ADCYAP1R1: variants seen among roughly 807,000 people sequenced by gnomAD.
The protein encoded by ADCYAP1R1 is ADCYAP receptor type I, also known as pituitary adenylate cyclase-activating polypeptide type I receptor.
In ADCYAP1R1, 44 loss-of-function variants were observed where a neutral mutation model predicts 67.6. The ratio of observed to expected loss-of-function variants is 0.65; its 90% confidence interval spans 0.51 to 0.84. The LOEUF (loss-of-function observed/expected upper bound fraction) is 0.84. Ranked by LOEUF, ADCYAP1R1 falls within the 40% of genes least tolerant of loss-of-function variation. The pLI is 0.00. For synonymous variants in ADCYAP1R1, 222 were observed against 219.6 expected (o/e 1.01, Z -0.10); for missense variants, 477 against 587.9 (o/e 0.81, Z 1.95).
chr7:31,083,539 T>G (rs1795602130), intron 6 of ADCYAP1R1, among the ~76,000 whole-genome samples: 1 of 152,170 alleles, frequency 6.6e-6, no homozygotes, highest in African/African-American at 2.4e-5. Context: ...AATATATATC[T>G]TCGTAAGATC....
At chr7:31,084,656 G>A in intron 7 of ADCYAP1R1, 81 bp from the exon 8 acceptor site, 4 of 1,181,346 alleles carry the variant, frequency 3.4e-6, no homozygotes, top group Middle Eastern at 1.9e-4. Context: ...CCCTGGCCTG[G>A]GAGACTGGGT....
chr7:31,102,715 A>C lies in ADCYAP1R1; in HGVS notation c.1047-522A>C, dbSNP rs1206141659. Among the ~76,000 whole-genome samples the C allele has an allele frequency of 6.6e-6, 1 of 152,020 alleles. No homozygotes were observed. The highest frequency in any genetic ancestry group is 1.9e-4 in the East Asian group (1 of 5,168). On this transcript the variant is annotated intron_variant, in intron 13 of 15. Transcript: ENST00000304166. This position sits in a 1 kb window ranked among gnomAD's most constrained non-coding sequence, Gnocchi z 4.3. ...GAGTTTCTTCCTCTGTGATCCACTC[A>C]CTGAGCCTTTCCTCCCTCCCTGCCA...
chr7:31,052,531 C>T lies in ADCYAP1R1; in HGVS notation c.-219C>T, dbSNP rs1306782632. The T allele has an allele frequency of 1.3e-5, 2 of 150,534 alleles. No individual in the cohort carries two copies. The highest frequency in any genetic ancestry group is 3.0e-5 in the Non-Finnish European group (2 of 67,566). The allele number at this position is 150,534 out of a possible 1,614,324, so 9.3% of individuals were successfully genotyped here. On this transcript the variant is annotated 5_prime_UTR_variant, in exon 1 of 16. Transcript: ENST00000304166. ...GGACACACGGACCCCGGCCGCCAGC[C>T]GGCCACACAGGCGCGGAGACCCGGC...
chr7:31,068,393 T>C (rs886642428), intron 3 of ADCYAP1R1, among the ~76,000 whole-genome samples: 5 of 152,112 alleles, frequency 3.3e-5, no homozygotes, highest in African/African-American at 1.2e-4. Context: ...GCTGTGCATG[T>C]GGATGGTTCT....
In ADCYAP1R1 at chr7:31,109,395, C is replaced by G. The variant is rs1348786902; in HGVS notation, c.*2711C>G. On this transcript the variant is annotated 3_prime_UTR_variant, in exon 16 of 16. Transcript: ENST00000304166. The stretch of plus-strand genomic sequence containing the variant: ...ATAAGACTAGATGATTTGTATATAG[C>G]CCAATGCATCTCTGGAACTCTGTCT... 2 of 152,218 alleles carry G rather than the reference C, an allele frequency of 1.3e-5. No individual in the cohort carries two copies. Among genetic ancestry groups the G allele is most frequent in the East Asian group, 3.9e-4 (2 of 5,190 alleles). The allele number at this position is 152,218 out of a possible 1,614,324, so 9.4% of individuals were successfully genotyped here.
At chr7:31,101,571 C>T (rs1796437847) in intron 13 of ADCYAP1R1, among the ~76,000 whole-genome samples, 5 of 152,210 alleles carry the variant, frequency 3.3e-5, no homozygotes. Flanking sequence ...CCATTTTCCT[C>T]TGCATTCCCG....
At position 31,086,267 on chromosome 7, in the gene ADCYAP1R1, T is replaced by C; in HGVS notation, c.670-117T>C. The C allele has an allele frequency of 9.3e-7, 1 of 1,074,748 alleles. No individual in the cohort carries two copies. The allele number at this position is 1,074,748 out of a possible 1,614,324, so 66.6% of individuals were successfully genotyped here. A position where few individuals can be genotyped will look rare whatever the true frequency, so the allele number is the denominator to read the frequency against. ...CTCTTTGATCCAGGAATATTGACTC[T>C]CTTAGATCCTTGGGATGTTTGAACC... is the stretch of plus-strand genomic sequence containing the variant. On this transcript the variant is annotated intron_variant, in intron 9 of 15. Transcript: ENST00000304166. The surrounding 1 kb of genome is among the most constrained non-coding windows in gnomAD (Gnocchi z 5.0).
At chr7:31,094,006 C>G (rs994514520) in intron 13 of ADCYAP1R1, among the ~76,000 whole-genome samples, 2 of 152,104 alleles carry the variant, frequency 1.3e-5, no homozygotes, top group Admixed American at 6.5e-5. Context: ...ATCTGTTCAG[C>G]CTGGGGAACT....
Position 31,084,788 on chromosome 7 carries a change from TC to T in ADCYAP1R1, c.493del (p.Leu165SerfsTer26). The T allele has an allele frequency of 6.2e-7, 1 of 1,614,108 alleles. No individual in the cohort carries two copies. The highest frequency in any genetic ancestry group is 8.5e-7 in the Non-Finnish European group (1 of 1,179,990). The stretch of plus-strand genomic sequence containing the variant: ...CCTCTACACGGTTGGCTACAGCACA[TC>T]CCTCGTCACCCTCACCACTGCCATG... ...KALYTVGYST[S>X]LVTLTTAMVI... On this transcript the variant is annotated frameshift_variant, in exon 8 of 16. Transcript: ENST00000304166. LOFTEE classifies it high-confidence loss of function.
At chr7:31,065,125 G>A (rs867843940) in intron 3 of ADCYAP1R1, among the ~76,000 whole-genome samples, 189 bp downstream of exon 3, 1 of 152,208 alleles carries the variant, frequency 6.6e-6, no homozygotes, top group South Asian at 2.1e-4. Context: ...CAAGGCTGAT[G>A]TGGTCTGGAT....
intron 3 of ADCYAP1R1, 31 bp from the exon 4 acceptor site, chr7:31,077,960 G>T: frequency 6.6e-7 from 1 of 1,525,232 alleles, no homozygotes. Context: ...TGTGTGGCTG[G>T]CCCCTCTCAC....
At chr7:31,104,773 T>A (rs1055137397) in intron 14 of ADCYAP1R1, 95 bp from the exon 15 acceptor site, 8 of 1,381,500 alleles carry the variant, frequency 5.8e-6, no homozygotes, top group Non-Finnish European at 8.2e-6. Flanking sequence ...GGTCATGGTG[T>A]ATTTCTGCTT....
intron 13 of ADCYAP1R1, among the ~76,000 whole-genome samples, chr7:31,096,038 T>A (rs1364525543): frequency 6.6e-6 from 1 of 152,014 alleles, no homozygotes; most frequent in Non-Finnish European, 1.5e-5. Context: ...TCAGCTGGGG[T>A]TGGCATTAAG....
chr7:31,100,567 G>A (rs1277483773), intron 13 of ADCYAP1R1, among the ~76,000 whole-genome samples: 1 of 152,172 alleles, frequency 6.6e-6, no homozygotes, highest in African/African-American at 2.4e-5. Context: ...CTTAGAGCCT[G>A]AGTTCGTATA....
chr7:31,071,749 C>T (rs1466948047), intron 3 of ADCYAP1R1, among the ~76,000 whole-genome samples: 2 of 152,136 alleles, frequency 1.3e-5, no homozygotes, highest in African/African-American at 4.8e-5. Flanking sequence ...AAATAGTATC[C>T]CTGTGCTGCC....
chr7:31,089,924 G>A (rs1795896829), intron 12 of ADCYAP1R1, among the ~76,000 whole-genome samples: 4 of 152,062 alleles, frequency 2.6e-5, no homozygotes, highest in Admixed American at 2.6e-4. Context: ...TTTTGGCATT[G>A]TTCATAAAAT....
At chr7:31,067,540 T>G (rs1178645949) in intron 3 of ADCYAP1R1, among the ~76,000 whole-genome samples, 1 of 152,102 alleles carries the variant, frequency 6.6e-6, no homozygotes, top group Non-Finnish European at 1.5e-5. Flanking sequence ...GGGTCTATTA[T>G]GACCCCTATT....
chr7:31,104,724 C>T, intron 14 of ADCYAP1R1, 144 bp from the exon 15 acceptor site: 1 of 903,294 alleles, frequency 1.1e-6, no homozygotes, highest in Non-Finnish European at 1.8e-6. Context: ...TAGAACTGTC[C>T]CATCTTACCC....
chr7:31,084,192 T>A lies in ADCYAP1R1; in HGVS notation c.380T>A (p.Phe127Tyr). 5 of 1,614,158 alleles carry A rather than the reference T, an allele frequency of 3.1e-6. No individual in the cohort carries two copies. The highest frequency in any genetic ancestry group is 4.2e-6 in the Non-Finnish European group (5 of 1,180,026). ...NCTEDGWSEP[F>Y]PHYFDACGFD... The stretch of plus-strand genomic sequence containing the variant: ...ACGGAGGATGGCTGGTCGGAACCCT[T>A]CCCTCATTACTTTGATGCCTGTGGG... Residue 127 changes from phenylalanine to tyrosine, a missense_variant, in exon 7 of 16, where the codon TTC becomes TAC. Phe to Tyr is a conservative substitution (Grantham distance 22). Coordinates refer to ENST00000304166, the MANE Select transcript of ADCYAP1R1 (RefSeq NM_001118.5).
Sources: allele counts gnomAD v4.1 joint callset (sites outside exome capture counted in the v4.1 genomes callset), GRCh38; gene constraint gnomAD v4.1.1; non-coding constraint Gnocchi (gnomAD v3.1); transcripts MANE v1.5; gene names NCBI Gene and HGNC (gene_info 2026-07-23, HGNC 2026-07-21).